Variants in A2ML1 observed in about 807,000 individuals in gnomAD.
The protein encoded by A2ML1 is alpha-2-macroglobulin-like protein 1.
Under a neutral mutation model 181.9 loss-of-function variants are expected in A2ML1, and 161 were observed. The observed-to-expected ratio is 0.89, with a 90% confidence interval of 0.78 to 1.01. The LOEUF (loss-of-function observed/expected upper bound fraction) is 1.01, where lower values mean the gene tolerates loss of function less well. A2ML1 is among the 50% of genes least tolerant of loss of function. The probability of loss-of-function intolerance (pLI) is 0.00; values close to 1 mark genes in which losing one functional copy is unlikely to be tolerated. For missense variants in A2ML1, 1,670 were observed against 1,768.1 expected, an observed-to-expected ratio of 0.94 and a Z score of 1.00; for synonymous variants, 663 against 666.8, an observed-to-expected ratio of 0.99 and a Z score of 0.09.
At chr12:8,841,021 A>AGGAAGGAAGGAAGGACGGAC (rs1555109425) in intron 10 of A2ML1, among the ~76,000 whole-genome samples, 5,044 of 122,714 alleles carry the variant, frequency 0.041, 213 homozygotes, top group East Asian at 0.074. Context: ...GACGGAAGGA[A>AGGAAGGAAGGAAGGACGGAC]GGAAGGAAGG....
chr12:8,857,620 A>G, intron 25 of A2ML1, 32 bp downstream of exon 25: 1 of 1,592,926 alleles, frequency 6.3e-7, no homozygotes, highest in Non-Finnish European at 8.6e-7. Context: ...TGAGTTCTGT[A>G]CTCCAGAGCA....
intron 26 of A2ML1, among the ~76,000 whole-genome samples, chr12:8,859,145 C>T (rs1176102869): frequency 6.6e-6 from 1 of 151,814 alleles, no homozygotes; most frequent in South Asian, 2.1e-4. Context: ...CTTGTCTGTA[C>T]CTGTCCCAAG....
intron 18 of A2ML1, among the ~76,000 whole-genome samples, chr12:8,850,578 AACAACG>A (rs1449841246): frequency 6.6e-6 from 1 of 152,112 alleles, no homozygotes; most frequent in African/African-American, 2.4e-5. Flanking sequence ...TCTCAAAATC[AACAACG>A]ACAACGACAA....
At chr12:8,829,577 C>T (rs1022717869) in intron 3 of A2ML1, 150 bp from the exon 4 acceptor site, 4 of 708,048 alleles carry the variant, frequency 5.6e-6, no homozygotes, top group Non-Finnish European at 9.4e-6. Flanking sequence ...ATCACTTGAG[C>T]CCAGGAGTTT....
At chr12:8,855,179 C>T (rs9645741) in intron 22 of A2ML1, among the ~76,000 whole-genome samples, 63,165 of 151,946 alleles carry the variant, frequency 0.42, 13,616 homozygotes, top group Middle Eastern at 0.5. Context: ...AGGCGTGAGC[C>T]ACTGCACCCG....
At chr12:8,875,065 A>G (rs1944759103) in intron 35 of A2ML1, 53 bp downstream of exon 35, 2 of 1,570,524 alleles carry the variant, frequency 1.3e-6, no homozygotes, top group South Asian at 2.2e-5. Flanking sequence ...GCAGAAGTTA[A>G]GAGGAGCCTC....
intron 33 of A2ML1, among the ~76,000 whole-genome samples, chr12:8,871,401 C>CT (rs751277221): frequency 6.6e-6 from 1 of 152,122 alleles, no homozygotes; most frequent in Admixed American, 6.6e-5. Flanking sequence ...GATAACTCTG[C>CT]TTATTTTTCT....
intron 16 of A2ML1, 48 bp from the exon 17 acceptor site, chr12:8,849,621 A>G: frequency 6.9e-7 from 1 of 1,445,234 alleles, no homozygotes; most frequent in Non-Finnish European, 9.7e-7. Flanking sequence ...TAGCCCTTGT[A>G]GTTGGGGAAG....
chr12:8,841,313 CAT>C, intron 10 of A2ML1, 54 bp from the exon 11 acceptor site: 2 of 1,523,840 alleles, frequency 1.3e-6, no homozygotes, highest in Non-Finnish European at 1.8e-6. Flanking sequence ...CACTTTACCT[CAT>C]ACTCAAGCTT....
chr12:8,829,108 G>A (rs1290089495), intron 3 of A2ML1, among the ~76,000 whole-genome samples: 3 of 152,132 alleles, frequency 2.0e-5, no homozygotes, highest in Admixed American at 6.5e-5. Flanking sequence ...TTAAAACCAG[G>A]CACTGTGATC....
chr12:8,836,836 ATAG>A (rs1943296975), intron 7 of A2ML1, among the ~76,000 whole-genome samples: 1 of 151,934 alleles, frequency 6.6e-6, no homozygotes, highest in Non-Finnish European at 1.5e-5. Context: ...GCTCACTCAG[ATAG>A]TATTATTGAT....
chr12:8,844,132 T>C (rs372595162), intron 12 of A2ML1, among the ~76,000 whole-genome samples: 1 of 151,146 alleles, frequency 6.6e-6, no homozygotes, highest in Non-Finnish European at 1.5e-5. Flanking sequence ...CACAGGAAAA[T>C]TGTGTGGGAA....
chr12:8,859,855 G>A (rs1944195025), intron 26 of A2ML1, among the ~76,000 whole-genome samples: 1 of 151,972 alleles, frequency 6.6e-6, no homozygotes, highest in South Asian at 2.1e-4. Context: ...CGTGACCTAT[G>A]CGTGCCCAGC....
Position 8,852,242 on chromosome 12 carries a change from C to T in A2ML1, c.2496C>T (p.Tyr832=), listed in dbSNP as rs1379612231. The change falls in exon 20 of 36, where the codon TAC becomes TAT. Residue 832 remains tyrosine, a synonymous_variant. Coordinates refer to ENST00000299698, the MANE Select transcript of A2ML1 (RefSeq NM_144670.6). The surrounding 1 kb of genome is among the most constrained non-coding windows in gnomAD (Gnocchi z 4.2). ...CTGACCTGGCTAAATCGCATGAGTA[C>T]CAGCTAGAATCATGGGCAGATTCTC... is the stretch of plus-strand genomic sequence containing the variant. ...VQTDLAKSHE[Y]QLESWADSQT... The T allele has an allele frequency of 3.7e-6, 6 of 1,614,018 alleles. No homozygotes were observed. The highest frequency in any genetic ancestry group is 4.2e-6 in the Non-Finnish European group (5 of 1,180,030).
intron 12 of A2ML1, among the ~76,000 whole-genome samples, chr12:8,843,711 CT>C (rs951831310): frequency 6.5e-5 from 9 of 139,468 alleles, no homozygotes; most frequent in East Asian, 2.0e-4. Context: ...TTCAATATTC[CT>C]TTTTTTTTCT....
chr12:8,872,412 TTAAAA>T (rs1944656735), intron 33 of A2ML1, among the ~76,000 whole-genome samples: 2 of 152,208 alleles, frequency 1.3e-5, no homozygotes, highest in African/African-American at 4.8e-5. Flanking sequence ...TGAGACAATC[TTAAAA>T]TATTTATTAA....
intron 7 of A2ML1, among the ~76,000 whole-genome samples, chr12:8,884,054 G>A (rs1841031739): frequency 6.6e-6 from 1 of 152,070 alleles, no homozygotes; most frequent in Non-Finnish European, 1.5e-5. Flanking sequence ...CCAAAGTGCT[G>A]GGATTACAGG....
chr12:8,835,554 G>A lies in A2ML1; in HGVS notation c.531G>A (p.Glu177=), dbSNP rs1162395496. Residue 177 remains glutamate, a synonymous_variant, in exon 6 of 36, where the codon GAG becomes GAA. Coordinates refer to ENST00000299698, the MANE Select transcript of A2ML1 (RefSeq NM_144670.6). ...CACAGTGGCTGGAAGTGGTACCTGA[G>A]CAAGGCATTGTAGACCTGTCCTTCC... ...RIAQWLEVVP[E]QGIVDLSFQL... 2.5e-6 allele frequency: 4 copies of A among 1,614,076 alleles called. No homozygotes were observed. The highest frequency in any genetic ancestry group is 3.4e-6 in the Non-Finnish European group (4 of 1,180,044).
chr12:8,843,010 C>A (rs779065427), intron 11 of A2ML1, 124 bp from the exon 12 acceptor site: 8 of 823,542 alleles, frequency 9.7e-6, no homozygotes, highest in Non-Finnish European at 1.4e-5. Flanking sequence ...ATGAAATACC[C>A]ACATGCCATT....
Sources: allele counts gnomAD v4.1 joint callset (sites outside exome capture counted in the v4.1 genomes callset), GRCh38; gene constraint gnomAD v4.1.1; non-coding constraint Gnocchi (gnomAD v3.1); transcripts MANE v1.5; gene names NCBI Gene and HGNC (gene_info 2026-07-23, HGNC 2026-07-21).